Variants in ATL2 observed in about 807,000 individuals in gnomAD.
The protein encoded by ATL2 is atlastin GTPase 2.
ATL2 carries 31 observed loss-of-function variants against 73.9 expected under a neutral mutation model. The ratio of observed to expected loss-of-function variants is 0.42; its 90% CI spans 0.32 to 0.57. ATL2 has a LOEUF of 0.57. Ranked by LOEUF, ATL2 falls within the 20% of genes least tolerant of loss-of-function variation. The pLI is 0.14. For synonymous variants in ATL2, 291 were observed against 237.5 expected (o/e 1.23, Z -2.07); for missense variants, 738 against 702.6 (o/e 1.05, Z -0.57).
In ATL2 at chr2:38,294,596, A is replaced by G. The variant is rs529043469; in HGVS notation, c.*1398T>C. On this transcript the variant is annotated 3_prime_UTR_variant, in exon 13 of 13. Transcript: ENST00000378954. ...GTACTTTAATCGGTGTTCACAAAGA[A>G]GACCACAAAAGTACTGAAAAAATGC... Among the ~76,000 whole-genome samples, 1 of 151,844 alleles carries G rather than the reference A, an allele frequency of 6.6e-6. No individual in the cohort carries two copies. Among genetic ancestry groups the G allele is most frequent in the Admixed American group, 6.6e-5 (1 of 15,246 alleles).
intron 2 of ATL2, among the ~76,000 whole-genome samples, chr2:38,327,117 G>A (rs1476698743): frequency 2.6e-5 from 4 of 151,740 alleles, no homozygotes; most frequent in South Asian, 2.1e-4. Context: ...TCCTACAAAA[G>A]AAGTAAAGAC....
intron 1 of ATL2, among the ~76,000 whole-genome samples, chr2:38,363,370 T>TG (rs35089431): frequency 0.13 from 15,954 of 120,014 alleles, 1,032 homozygotes; most frequent in East Asian, 0.36. Flanking sequence ...ATTAAAAAGG[T>TG]GGGGGGGGGG....
At chr2:38,348,691 G>A (rs1350814274) in intron 1 of ATL2, among the ~76,000 whole-genome samples, 1 of 148,868 alleles carries the variant, frequency 6.7e-6, no homozygotes. Context: ...TTAAACTAAA[G>A]AGCTTCTGCA....
chr2:38,352,133 CAAAAAAAAAAAAAA>C (rs778821586), intron 1 of ATL2, among the ~76,000 whole-genome samples: 7 of 31,964 alleles, frequency 2.2e-4, no homozygotes, highest in Non-Finnish European at 3.2e-4. Context: ...AAACAACAAC[CAAAAAAAAAAAAAA>C]AAAAAAAAAA....
chr2:38,307,618 G>A (rs1667522712), intron 9 of ATL2, among the ~76,000 whole-genome samples: 1 of 151,934 alleles, frequency 6.6e-6, no homozygotes, highest in Admixed American at 6.6e-5. Flanking sequence ...TAAACGAATG[G>A]GATCATATCA....
chr2:38,312,400 C>G (rs750076244), intron 7 of ATL2, among the ~76,000 whole-genome samples: 1 of 152,080 alleles, frequency 6.6e-6, no homozygotes, highest in Non-Finnish European at 1.5e-5. Context: ...CTCTCTCTCT[C>G]CTGCCATCTT....
intron 1 of ATL2, among the ~76,000 whole-genome samples, chr2:38,370,448 C>CAAAAAAAAAAAAAAAAAAAA (rs55964015): frequency 1.8e-5 from 1 of 55,188 alleles, no homozygotes; most frequent in Non-Finnish European, 3.8e-5. Flanking sequence ...GACTCTGTCC[C>CAAAAAAAAAAAAAAAAAAAA]AAAAAAAAAA....
chr2:38,314,304 AT>A (rs1220942507), intron 6 of ATL2, among the ~76,000 whole-genome samples: 3 of 152,230 alleles, frequency 2.0e-5, no homozygotes, highest in Non-Finnish European at 4.4e-5. Flanking sequence ...TAAAAAAAAA[AT>A]GGCATGACTG....
At chr2:38,362,186 C>T (rs906726212) in intron 1 of ATL2, among the ~76,000 whole-genome samples, 1 of 152,260 alleles carries the variant, frequency 6.6e-6, no homozygotes, top group Non-Finnish European at 1.5e-5. Context: ...AAGGTGGATT[C>T]GCTAACATCT....
rs138422460 is a variant in ATL2 at position 38,372,700 on chromosome 2, C to A, written c.118+4443G>T. Reference sequence around the variant, plus strand: ...TCTTATGTTAATAACTGAACAAACACCTTCCAAGTTGCCTATTTTGAAAAT... The same window carrying A: ...TCTTATGTTAATAACTGAACAAACAACTTCCAAGTTGCCTATTTTGAAAAT... On this transcript the variant is annotated intron_variant, in intron 1 of 12. Transcript: ENST00000378954. 8.3e-4 allele frequency among the ~76,000 whole-genome samples: 126 copies of A among 152,296 alleles called. 1 individual carries two copies. In the East Asian group the frequency reaches 0.022, roughly 27 times the overall value.
At chr2:38,332,217 G>C (rs1415852873) in intron 2 of ATL2, among the ~76,000 whole-genome samples, 1 of 152,000 alleles carries the variant, frequency 6.6e-6, no homozygotes, top group African/African-American at 2.4e-5. Context: ...TGGAAACTTT[G>C]TTTCTTTTTG....
chr2:38,335,488 G>A (rs1669299508), intron 2 of ATL2, among the ~76,000 whole-genome samples: 1 of 152,128 alleles, frequency 6.6e-6, no homozygotes, highest in Admixed American at 6.5e-5. Flanking sequence ...CAAGACACAG[G>A]AGTACATACT....
chr2:38,301,838 G>A (rs888228351), intron 9 of ATL2, among the ~76,000 whole-genome samples: 3 of 152,180 alleles, frequency 2.0e-5, no homozygotes, highest in African/African-American at 7.2e-5. Flanking sequence ...GATATAGTAA[G>A]ACTCCAGCTG....
At chr2:38,345,215 C>T (rs1669952767) in intron 1 of ATL2, among the ~76,000 whole-genome samples, 1 of 152,280 alleles carries the variant, frequency 6.6e-6, no homozygotes, top group East Asian at 1.9e-4. Context: ...AGGACACATA[C>T]GGTATCCACT....
In ATL2 at chr2:38,356,001, T is replaced by C. The variant is rs1187322415; in HGVS notation, c.119-12489A>G. Among the ~76,000 whole-genome samples, 4 of 151,176 alleles carry C rather than the reference T, an allele frequency of 2.6e-5. No homozygotes were observed. The East Asian group carries it at 5.9e-4, about 22-fold the overall frequency. ...CATGAGCCACCATGCCTGGCCACATTTGGAGAGTTTAACAACTCTAAGTAA... is the reference window on the plus strand; with the variant it reads ...CATGAGCCACCATGCCTGGCCACATCTGGAGAGTTTAACAACTCTAAGTAA... On this transcript the variant is annotated intron_variant, in intron 1 of 12. Coordinates refer to ENST00000378954, the MANE Select transcript of ATL2 (RefSeq NM_001135673.4).
At chr2:38,333,157 G>C (rs766052891) in intron 2 of ATL2, among the ~76,000 whole-genome samples, 37 of 152,196 alleles carry the variant, frequency 2.4e-4, no homozygotes, top group Non-Finnish European at 4.7e-4. Flanking sequence ...GAGCCCAGGA[G>C]TTCGAGACCA....
At chr2:38,298,110 T>A in intron 12 of ATL2, 34 bp downstream of exon 12, 1 of 1,542,676 alleles carries the variant, frequency 6.5e-7, no homozygotes, top group Non-Finnish European at 8.8e-7. Context: ...GAAAATAAGA[T>A]TAGTCACTAA....
At chr2:38,306,578 C>T (rs1404160959) in intron 9 of ATL2, among the ~76,000 whole-genome samples, 2 of 152,154 alleles carry the variant, frequency 1.3e-5, no homozygotes, top group African/African-American at 4.8e-5. Flanking sequence ...GTTCAACATA[C>T]ACCAATCAAT....
rs528289155 is a variant in ATL2 at position 38,371,873 on chromosome 2, G to C, written c.118+5270C>G. Among the ~76,000 whole-genome samples, 4 of 152,202 alleles carry C rather than the reference G, an allele frequency of 2.6e-5. No individual in the cohort carries two copies. In the East Asian group the frequency reaches 7.7e-4, roughly 29 times the overall value. The stretch of plus-strand genomic sequence containing the variant: ...GATCACGCCACTGTACTCCAGCCTG[G>C]GTGACAGAGGGAGGCTCTGTCTCAA... On this transcript the variant is annotated intron_variant, in intron 1 of 12. Coordinates refer to ENST00000378954, the MANE Select transcript of ATL2 (RefSeq NM_001135673.4).
Sources: gnomAD v4.1 joint callset for allele counts (sites outside exome capture counted in the v4.1 genomes callset) on GRCh38, gnomAD v4.1.1 for gene constraint, MANE v1.5 for transcripts, NCBI Gene and HGNC (gene_info 2026-07-23, HGNC 2026-07-21) for gene names.